AASDH: variants seen among roughly 807,000 people sequenced by gnomAD.
AASDH encodes the protein beta-alanine-activating enzyme.
Under a neutral mutation model 102.3 loss-of-function variants are expected in AASDH, and 81 were observed. The observed-to-expected ratio is 0.79, with a 90% CI of 0.66 to 0.95. The LOEUF is 0.95. Among genes scored for constraint, AASDH ranks in the 40% least tolerant of loss-of-function variants. AASDH has a pLI of 0.00. For synonymous variants in AASDH, 398 were observed against 454.0 expected (o/e 0.88, Z 1.57); for missense variants, 1,203 against 1,266.2 (o/e 0.95, Z 0.76).
At chr4:56,376,019 CT>C (rs67950154) in intron 4 of AASDH, among the ~76,000 whole-genome samples, 1,831 of 106,726 alleles carry the variant, frequency 0.017, 40 homozygotes, top group African/African-American at 0.06. Context: ...AACCGCTCAT[CT>C]TTTTTTTTTT....
chr4:56,387,316 C>T (rs1753687189), intron 1 of AASDH, 46 bp downstream of exon 1: 3 of 152,448 alleles, frequency 2.0e-5, no homozygotes, highest in Non-Finnish European at 2.9e-5. Flanking sequence ...CACTTCGCCT[C>T]CTTCACACAG....
rs1560566496 is a variant in AASDH at position 56,345,125 on chromosome 4, A to G, written c.2652+2T>C. ...CCCAGCTAATTTGAGGTCAATCCTT[A>G]CATAAATATCTAAAGCATATGCGTG... is the stretch of plus-strand genomic sequence containing the variant. On this transcript the variant is annotated splice_donor_variant, in intron 12 of 14. Transcript: ENST00000205214. LOFTEE classifies it high-confidence loss of function. The G allele has an allele frequency of 6.2e-7, 1 of 1,613,768 alleles. No individual in the cohort carries two copies.
intron 12 of AASDH, 142 bp downstream of exon 12, chr4:56,344,985 A>C: frequency 1.8e-6 from 1 of 569,948 alleles, no homozygotes; most frequent in South Asian, 3.4e-5. Context: ...TCTGTCACCC[A>C]GGGTGGAATA....
At chr4:56,354,962 G>A (rs1749423970) in intron 6 of AASDH, 151 bp from the exon 7 acceptor site, 3 of 848,196 alleles carry the variant, frequency 3.5e-6, no homozygotes, top group Admixed American at 3.3e-5. Flanking sequence ...TAGGTGGAAA[G>A]GTAACCATAT....
Position 56,342,837 on chromosome 4 carries a change from G to A in AASDH, c.2905C>T (p.Gln969Ter), listed in dbSNP as rs1747865193. The A allele has an allele frequency of 2.2e-6, 3 of 1,382,754 alleles. No individual in the cohort carries two copies. The African/African-American group carries it at 4.4e-5, about 21-fold the overall frequency. 85.7% of individuals were successfully genotyped at this position (1,382,754 alleles called of 1,614,324 possible). A position where few individuals can be genotyped will look rare whatever the true frequency, so the allele number is the denominator to read the frequency against. ...NLLCFTHFGE[Q>*]VWQFSTSGPI... is the part of the protein sequence containing the mutation. ...TAAAAAATTTCTAGTTCTATTACCT[G>A]TTCTCCAAAGTGAGTAAAGCAGAGT... The change falls in exon 14 of 15, where the codon CAG (glutamine) becomes TAG (stop). Residue 969 changes from glutamine (Q) to a stop codon, truncating the protein, a stop_gained and splice_region_variant. Transcript: ENST00000205214. LOFTEE classifies it low-confidence loss of function (END_TRUNC).
In AASDH at chr4:56,355,162, A is replaced by C. The variant is rs778288231; in HGVS notation, c.1103+20T>G. ...AATATACAGTCTCTCTTCTCTATAT[A>C]GTACAATGAAAACCCTTACTTGAGA... On this transcript the variant is annotated intron_variant, in intron 6 of 14. Coordinates refer to ENST00000205214, the MANE Select transcript of AASDH (RefSeq NM_181806.4). The C allele has an allele frequency of 2.5e-6, 4 of 1,610,352 alleles. No homozygotes were observed. In the African/African-American group the frequency reaches 5.4e-5, roughly 22 times the overall value.
intron 5 of AASDH, among the ~76,000 whole-genome samples, chr4:56,361,132 C>T (rs895578546): frequency 5.9e-5 from 9 of 152,238 alleles, no homozygotes; most frequent in African/African-American, 2.2e-4. Context: ...AAAATGGAGG[C>T]CGAGTGTGGT....
chr4:56,364,984 CAG>C (rs1750803053), intron 5 of AASDH, among the ~76,000 whole-genome samples: 1 of 152,074 alleles, frequency 6.6e-6, no homozygotes, highest in African/African-American at 2.4e-5. Context: ...ATCTCACGTG[CAG>C]AGACACACAT....
At chr4:56,359,528 T>G (rs1319956576) in intron 5 of AASDH, among the ~76,000 whole-genome samples, 1 of 151,936 alleles carries the variant, frequency 6.6e-6, no homozygotes, top group African/African-American at 2.4e-5. Context: ...GTGCTGGGAG[T>G]ATAGGCGTGA....
intron 14 of AASDH, among the ~76,000 whole-genome samples, chr4:56,339,729 C>T (rs961908336): frequency 2.4e-5 from 3 of 126,158 alleles, no homozygotes; most frequent in Non-Finnish European, 3.2e-5. Flanking sequence ...CCACCCTGGG[C>T]GATAGTGAGA....
chr4:56,381,584 C>CAA (rs564727163), intron 3 of AASDH, among the ~76,000 whole-genome samples: 11,571 of 124,510 alleles, frequency 0.093, 636 homozygotes, highest in East Asian at 0.27. Flanking sequence ...GACTCTGGCT[C>CAA]AAAAAAAAAA....
intron 5 of AASDH, among the ~76,000 whole-genome samples, chr4:56,357,368 C>G (rs1341005522): frequency 6.6e-6 from 1 of 152,118 alleles, no homozygotes; most frequent in Non-Finnish European, 1.5e-5. Context: ...GAGCACTAAT[C>G]TCATTCATGA....
chr4:56,379,697 C>T (rs574066646), intron 3 of AASDH, among the ~76,000 whole-genome samples: 11 of 152,210 alleles, frequency 7.2e-5, no homozygotes, highest in South Asian at 4.2e-4. Context: ...CAGAGAATGC[C>T]GAACTCTGCC....
intron 3 of AASDH, among the ~76,000 whole-genome samples, chr4:56,379,129 C>T (rs903135884): frequency 1.5e-4 from 23 of 152,136 alleles, no homozygotes; most frequent in African/African-American, 4.1e-4. Flanking sequence ...CCTCATGATC[C>T]GCCAGCTTCA....
In AASDH at chr4:56,349,709, A is replaced by G. The variant is rs1748760056; in HGVS notation, c.2042T>C (p.Leu681Pro). Residue 681 changes from leucine (L) to proline (P), a missense_variant, in exon 11 of 15, where the codon CTG becomes CCG. Transcript: ENST00000205214. ...AGACAAAATTTGACTCCCTCTGCTC[A>G]GTACAACAAAAGCATTAATCTCATT... ...CHNEINAFVV[L>P]SRGSQILSLN... The G allele has an allele frequency of 1.2e-6, 2 of 1,614,096 alleles. No homozygotes were observed. Among genetic ancestry groups the G allele is most frequent in the African/African-American group, 2.7e-5 (2 of 74,940 alleles).
chr4:56,353,960 C>A (rs1232895309), intron 8 of AASDH, 79 bp downstream of exon 8: 1 of 1,324,234 alleles, frequency 7.6e-7, no homozygotes, highest in Non-Finnish European at 1.0e-6. Context: ...ATAATAGAGA[C>A]CCCAGCACAG....
intron 14 of AASDH, among the ~76,000 whole-genome samples, chr4:56,341,695 C>G (rs1199920473): frequency 1.3e-5 from 2 of 151,812 alleles, no homozygotes; most frequent in East Asian, 3.9e-4. Context: ...GCCATGATGC[C>G]CAGCCATTGG....
Position 56,338,308 on chromosome 4 carries a change from ATCT to A in AASDH, c.*91_*93del, listed in dbSNP as rs202141273. 6 of 1,054,114 alleles carry A rather than the reference ATCT, an allele frequency of 5.7e-6. No homozygotes were observed. In the African/African-American group the frequency reaches 6.8e-5, roughly 12 times the overall value. The allele number at this position is 1,054,114 out of a possible 1,614,324, so 65.3% of individuals were successfully genotyped here. On this transcript the variant is annotated 3_prime_UTR_variant, in exon 15 of 15. Transcript: ENST00000205214. ...GTTTCCGTTTCTTAGCCAAAATATA[ATCT>A]TCTTTAATATAAAATAAGTCCACAT...
At chr4:56,359,568 T>C (rs1319794118) in intron 5 of AASDH, among the ~76,000 whole-genome samples, 1 of 140,926 alleles carries the variant, frequency 7.1e-6, no homozygotes, top group Non-Finnish European at 1.6e-5. Flanking sequence ...CCTTATGTTC[T>C]TTTTTTTTGA....
Sources: allele counts gnomAD v4.1 joint callset (sites outside exome capture counted in the v4.1 genomes callset), GRCh38; gene constraint gnomAD v4.1.1; transcripts MANE v1.5; gene names NCBI Gene and HGNC (gene_info 2026-07-23, HGNC 2026-07-21).